C10orf90: variants seen among roughly 807,000 people sequenced by gnomAD.
C10orf90 encodes the protein chromosome 10 open reading frame 90.
In C10orf90, 56 loss-of-function variants were observed where a neutral mutation model predicts 62.5. The ratio of observed to expected loss-of-function variants is 0.90; its 90% CI spans 0.72 to 1.12. The LOEUF is 1.12. C10orf90 is among the 50% of genes most tolerant of loss of function. The pLI is 0.00. For synonymous variants in C10orf90, 386 were observed against 340.4 expected, an observed-to-expected ratio of 1.13 and a Z score of -1.47; for missense variants, 970 against 880.4, an observed-to-expected ratio of 1.10 and a Z score of -1.29.
chr10:126,514,982 A>G (rs1022559011), intron 2 of C10orf90, among the ~76,000 whole-genome samples: 4 of 152,234 alleles, frequency 2.6e-5, no homozygotes, highest in Non-Finnish European at 5.9e-5. Flanking sequence ...GCTGTAATAA[A>G]TGGCTCCCCA....
At chr10:126,583,930 A>T (rs1333825582) in intron 2 of C10orf90, among the ~76,000 whole-genome samples, 1 of 152,130 alleles carries the variant, frequency 6.6e-6, no homozygotes, top group Non-Finnish European at 1.5e-5. Context: ...AGCCTTGGTG[A>T]TGTAGAGAGA....
intron 2 of C10orf90, among the ~76,000 whole-genome samples, chr10:126,551,012 C>T (rs1448802875): frequency 1.3e-5 from 2 of 152,182 alleles, no homozygotes; most frequent in African/African-American, 2.4e-5. Context: ...AAATGGTGGA[C>T]TTAAGCCCTA....
At chr10:126,509,812 C>T (rs1862989974) in intron 3 of C10orf90, among the ~76,000 whole-genome samples, 2 of 152,128 alleles carry the variant, frequency 1.3e-5, no homozygotes, top group Non-Finnish European at 2.9e-5. Context: ...CAGTGAGACC[C>T]ATTAAATGAT....
At chr10:126,543,159 A>G (rs1244065371) in intron 2 of C10orf90, among the ~76,000 whole-genome samples, 2 of 152,200 alleles carry the variant, frequency 1.3e-5, no homozygotes, top group African/African-American at 2.4e-5. Context: ...ACAGTATAGT[A>G]TATAGTTTCA....
chr10:126,518,907 G>A (rs747303788), intron 2 of C10orf90, among the ~76,000 whole-genome samples: 3 of 152,120 alleles, frequency 2.0e-5, no homozygotes, highest in African/African-American at 2.4e-5. Flanking sequence ...CCTGGAGGGC[G>A]GTGTGTGTTT....
intron 2 of C10orf90, among the ~76,000 whole-genome samples, chr10:126,646,065 G>T (rs770265750): frequency 6.6e-6 from 1 of 152,150 alleles, no homozygotes; most frequent in Non-Finnish European, 1.5e-5. Context: ...GGGCAGGGGA[G>T]CTGGTTTTCA....
intron 2 of C10orf90, among the ~76,000 whole-genome samples, chr10:126,628,414 T>C (rs1226889779): frequency 6.6e-6 from 1 of 152,054 alleles, no homozygotes; most frequent in Non-Finnish European, 1.5e-5. Context: ...GACGAATGGA[T>C]AAAAAGATGA....
At chr10:126,496,672 T>A (rs906798814) in intron 4 of C10orf90, 20 of 985,268 alleles carry the variant, frequency 2.0e-5, no homozygotes, top group Middle Eastern at 1.0e-3. Context: ...TGGCGGTGAG[T>A]CTTTCATCGC....
In C10orf90 at chr10:126,500,685, C is replaced by A. The variant is rs180825517; in HGVS notation, c.1534+3272G>T. Among the ~76,000 whole-genome samples the A allele has an allele frequency of 2.0e-5, 3 of 152,064 alleles. No homozygotes were observed. In the South Asian group the frequency reaches 6.2e-4, roughly 32 times the overall value. On this transcript the variant is annotated intron_variant, in intron 4 of 9. Transcript: ENST00000488181. The stretch of plus-strand genomic sequence containing the variant: ...CTGAGGAGATGAGCAAAGAGAGAAC[C>A]AATTTCTTAACATTCAGCCTGAGAT...
chr10:126,543,527 T>C (rs1344165537), intron 2 of C10orf90, among the ~76,000 whole-genome samples: 1 of 152,154 alleles, frequency 6.6e-6, no homozygotes, highest in African/African-American at 2.4e-5. Context: ...TACGGCAGCA[T>C]AGGCACATGC....
At chr10:126,458,191 C>G (rs1023007212) in intron 7 of C10orf90, among the ~76,000 whole-genome samples, 1 of 152,164 alleles carries the variant, frequency 6.6e-6, no homozygotes, top group Admixed American at 6.5e-5. Context: ...GTTTGCTAAG[C>G]TGCACTTTAT....
chr10:126,443,928 G>A (rs1212598038), intron 7 of C10orf90, among the ~76,000 whole-genome samples: 2 of 152,020 alleles, frequency 1.3e-5, no homozygotes, highest in Admixed American at 6.6e-5. Context: ...AATGTCATAC[G>A]ATCATCTCAA....
At chr10:126,494,892 C>T (rs12573463) in intron 4 of C10orf90, among the ~76,000 whole-genome samples, 14,154 of 152,290 alleles carry the variant, frequency 0.093, 1,012 homozygotes, top group South Asian at 0.28. Context: ...CTGTCCTGTG[C>T]ACCTGCCCTT....
chr10:126,428,667 C>T (rs1272574722), intron 8 of C10orf90, among the ~76,000 whole-genome samples: 3 of 152,018 alleles, frequency 2.0e-5, no homozygotes, highest in South Asian at 2.1e-4. Context: ...ATTTTAATTG[C>T]TTAGTTTGCA....
intron 7 of C10orf90, among the ~76,000 whole-genome samples, chr10:126,435,359 G>T (rs1041046233): frequency 2.6e-5 from 4 of 152,208 alleles, no homozygotes; most frequent in African/African-American, 9.6e-5. Flanking sequence ...AGGGCTTCCT[G>T]GTTAAGGAAG....
At chr10:126,526,346 G>A (rs931935533) in intron 2 of C10orf90, among the ~76,000 whole-genome samples, 18 of 150,864 alleles carry the variant, frequency 1.2e-4, no homozygotes, top group African/African-American at 4.1e-4. Context: ...CCAGGCTCAC[G>A]CCATTCTCCT....
At chr10:126,501,835 T>C (rs977173233) in intron 4 of C10orf90, among the ~76,000 whole-genome samples, 1 of 152,144 alleles carries the variant, frequency 6.6e-6, no homozygotes, top group Non-Finnish European at 1.5e-5. Context: ...AAAAACCGTA[T>C]GTTCTCATAA....
chr10:126,475,299 G>A (rs1410539697), intron 4 of C10orf90, among the ~76,000 whole-genome samples: 1 of 152,178 alleles, frequency 6.6e-6, no homozygotes, highest in African/African-American at 2.4e-5. Context: ...AGGGCTCATG[G>A]ATACCAAATT....
chr10:126,596,146 A>C (rs1174244957), intron 2 of C10orf90, among the ~76,000 whole-genome samples: 1 of 151,148 alleles, frequency 6.6e-6, no homozygotes. Flanking sequence ...TTTAAAAAAA[A>C]AAAAAAAAAA....
Sources: gnomAD v4.1 joint callset for allele counts (sites outside exome capture counted in the v4.1 genomes callset) on GRCh38, gnomAD v4.1.1 for gene constraint, MANE v1.5 for transcripts, NCBI Gene and HGNC (gene_info 2026-07-23, HGNC 2026-07-21) for gene names.